The following WNT5A variants were observed in gnomAD, a reference collection of about 807,000 sequenced individuals.
The protein encoded by WNT5A is protein Wnt-5a.
In WNT5A, 9 loss-of-function variants were observed where a neutral mutation model predicts 42.1. The ratio of observed to expected loss-of-function variants is 0.21; its 90% CI spans 0.13 to 0.37. The LOEUF (loss-of-function observed/expected upper bound fraction) is 0.37, where lower values mean the gene tolerates loss of function less well. Ranked by LOEUF, WNT5A falls within the 10% of genes least tolerant of loss-of-function variation. The pLI is 1.00. For synonymous variants in WNT5A, 210 were observed against 210.0 expected (o/e 1.00, Z 0.00); for missense variants, 426 against 534.0 (o/e 0.80, Z 1.99).
upstream of WNT5A, among the ~76,000 whole-genome samples, chr3:55,491,463 T>C (rs2051658409): frequency 6.6e-6 from 1 of 152,200 alleles, no homozygotes; most frequent in South Asian, 2.1e-4. Flanking sequence ...TGCTTCTGAA[T>C]CTGTGGAACA....
intron 4 of WNT5A, among the ~76,000 whole-genome samples, chr3:55,470,810 T>A (rs1275319399): frequency 6.6e-6 from 1 of 152,064 alleles, no homozygotes; most frequent in Non-Finnish European, 1.5e-5. Context: ...GAAAAAAAAA[T>A]TGTTCCAGCT....
Position 55,469,484 on chromosome 3 carries a change from T to C in WNT5A, c.*608A>G, listed in dbSNP as rs906575507. On this transcript the variant is annotated 3_prime_UTR_variant, in exon 5 of 5. Coordinates refer to ENST00000264634, the MANE Select transcript of WNT5A (RefSeq NM_003392.7). ...TATTTGAGGAGAATGAGACATGTGA[T>C]ATACCTTTTTTCCTTGAGAATATGA... 1 of 152,508 alleles carries C rather than the reference T, an allele frequency of 6.6e-6. No individual in the cohort carries two copies. Among genetic ancestry groups the C allele is most frequent in the Non-Finnish European group, 1.5e-5 (1 of 68,250 alleles). 9.4% of individuals were successfully genotyped at this position (152,508 alleles called of 1,614,324 possible).
At chr3:55,500,471 G>A in the WNT5A span, among the ~76,000 whole-genome samples, 2 of 152,152 alleles carry the variant, frequency 1.3e-5, no homozygotes, top group African/African-American at 4.8e-5. Context: ...TAGAAAATAC[G>A]TGCAGTTACT....
intron 1 of WNT5A, chr3:55,481,439 C>G: frequency 1.5e-6 from 1 of 675,572 alleles, no homozygotes; most frequent in Non-Finnish European, 1.8e-6. Context: ...GGGTGGCCAG[C>G]GCGGGGGGTG....
At chr3:55,474,932 TG>T (rs1231284086) in intron 3 of WNT5A, among the ~76,000 whole-genome samples, 32 of 15,982 alleles carry the variant, frequency 2.0e-3, no homozygotes, top group African/African-American at 7.9e-3. Context: ...GAGTAGGAGA[TG>T]GGGGGGTAGG....
At position 55,474,327 on chromosome 3, in the gene WNT5A, C is replaced by G. The variant is rs749209503; in HGVS notation, c.684+10G>C. 6.2e-7 allele frequency: 1 copy of G among 1,612,676 alleles called. No individual in the cohort carries two copies. ...AGAGATGCGGGGCGGGGGCGAGACGCGGCACTCACCCTGCGGCCGGCCTCG... is the reference window on the plus strand; with the variant it reads ...AGAGATGCGGGGCGGGGGCGAGACGGGGCACTCACCCTGCGGCCGGCCTCG... On this transcript the variant is annotated intron_variant, in intron 4 of 4. Coordinates refer to ENST00000264634, the MANE Select transcript of WNT5A (RefSeq NM_003392.7).
chr3:55,504,206 T>C, the WNT5A span, among the ~76,000 whole-genome samples: 1 of 151,012 alleles, frequency 6.6e-6, no homozygotes, highest in African/African-American at 2.4e-5. Context: ...GAGGCGGAGG[T>C]TGCAGCAAGC....
At chr3:55,484,813 G>A (rs551372415) in intron 1 of WNT5A, among the ~76,000 whole-genome samples, 1 of 152,244 alleles carries the variant, frequency 6.6e-6, no homozygotes, top group African/African-American at 2.4e-5. Flanking sequence ...AGAGTCCTTG[G>A]ACAGAGGAAG....
the WNT5A span, among the ~76,000 whole-genome samples, chr3:55,499,947 C>A: frequency 6.7e-6 from 1 of 149,830 alleles, no homozygotes; most frequent in South Asian, 2.1e-4. Flanking sequence ...TGCACTCCAG[C>A]CTGGGCAACA....
intron 3 of WNT5A, among the ~76,000 whole-genome samples, chr3:55,476,563 C>G (rs1042688144): frequency 1.3e-5 from 2 of 152,250 alleles, no homozygotes; most frequent in East Asian, 3.9e-4. Flanking sequence ...AAGACACTGT[C>G]CTTTGAGTAT....
chr3:55,485,438 G>A (rs1342598080), intron 1 of WNT5A, among the ~76,000 whole-genome samples: 5 of 151,994 alleles, frequency 3.3e-5, no homozygotes, highest in Admixed American at 6.5e-5. Flanking sequence ...GGGTCGGGGG[G>A]TGGAGGAGAC....
At chr3:55,491,900 G>C (rs1316951941), upstream of WNT5A, among the ~76,000 whole-genome samples, 1 of 152,248 alleles carries the variant, frequency 6.6e-6, no homozygotes, top group African/African-American at 2.4e-5. Context: ...CAAAGAGGCC[G>C]GAAAGGGGTC....
intron 3 of WNT5A, among the ~76,000 whole-genome samples, chr3:55,475,646 C>G (rs994647454): frequency 6.6e-6 from 1 of 152,320 alleles, no homozygotes; most frequent in Admixed American, 6.5e-5. Flanking sequence ...CCCCCACTGC[C>G]TTTGCCACAA....
chr3:55,471,188 A>G (rs1435344672), intron 4 of WNT5A, among the ~76,000 whole-genome samples: 3 of 152,202 alleles, frequency 2.0e-5, no homozygotes, highest in African/African-American at 7.2e-5. Context: ...CCTTACACTC[A>G]TGATCTCATT....
At chr3:55,488,792 C>T (rs1312775803), upstream of WNT5A, among the ~76,000 whole-genome samples, 1 of 152,204 alleles carries the variant, frequency 6.6e-6, no homozygotes, top group Admixed American at 6.5e-5. Context: ...CTTGGCTCGC[C>T]CGCGTATCCC....
chr3:55,493,403 A>G (rs1035763424), upstream of WNT5A, among the ~76,000 whole-genome samples: 2 of 152,112 alleles, frequency 1.3e-5, no homozygotes, highest in Non-Finnish European at 1.5e-5. Flanking sequence ...TCACCTCCTC[A>G]TTGTACACAT....
In WNT5A at chr3:55,469,550, C is replaced by CAGA. The variant is rs1317608243; in HGVS notation, c.*539_*541dup. ...ATTGTAAATTATCATTTTGAAAATG[C>CAGA]AGAAAGCAAGCTAGCAGCCCTGCTG... is the stretch of plus-strand genomic sequence containing the variant. On this transcript the variant is annotated 3_prime_UTR_variant, in exon 5 of 5. Transcript: ENST00000264634. The CAGA allele has an allele frequency of 2.0e-5, 3 of 152,404 alleles. No individual in the cohort carries two copies. The highest frequency in any genetic ancestry group is 7.2e-5 in the African/African-American group (3 of 41,420). 9.4% of individuals were successfully genotyped at this position (152,404 alleles called of 1,614,324 possible). A position where few individuals can be genotyped will look rare whatever the true frequency, so the allele number is the denominator to read the frequency against.
At chr3:55,482,325 T>C (rs548273192) in intron 1 of WNT5A, among the ~76,000 whole-genome samples, 5 of 152,102 alleles carry the variant, frequency 3.3e-5, no homozygotes, top group South Asian at 2.1e-4. Context: ...GCGGAGCGAG[T>C]AGGTGGCGGG....
Position 55,470,067 on chromosome 3 carries a change from G to T in WNT5A, c.*25C>A. On this transcript the variant is annotated 3_prime_UTR_variant, in exon 5 of 5. Transcript: ENST00000264634. ...CTATAAATAAGCGGGTCCTGGGAGC[G>T]GGGCTGAGTGCTGGGTGGCACCCAC... is the stretch of plus-strand genomic sequence containing the variant. 1 of 1,613,450 alleles carries T rather than the reference G, an allele frequency of 6.2e-7. No individual in the cohort carries two copies. The highest frequency in any genetic ancestry group is 2.2e-5 in the East Asian group (1 of 44,886).
Sources: allele counts gnomAD v4.1 joint callset (sites outside exome capture counted in the v4.1 genomes callset), GRCh38; gene constraint gnomAD v4.1.1; transcripts MANE v1.5; gene names NCBI Gene and HGNC (gene_info 2026-07-23, HGNC 2026-07-21).